Variants in PMEPA1 observed in about 807,000 individuals in gnomAD.
PMEPA1 encodes prostate transmembrane protein, androgen induced 1.
In PMEPA1, 11 loss-of-function variants were observed where a neutral mutation model predicts 23.0. The observed-to-expected ratio is 0.48, with a 90% CI of 0.30 to 0.79. PMEPA1 has a LOEUF of 0.79. PMEPA1 is among the 30% of genes least tolerant of loss of function. The probability of loss-of-function intolerance (pLI) is 0.06; values close to 1 mark genes in which losing one functional copy is unlikely to be tolerated. For synonymous variants in PMEPA1, 204 were observed against 166.4 expected (o/e 1.23, Z -1.74); for missense variants, 377 against 390.9 (o/e 0.96, Z 0.30).
chr20:57,652,584 G>A lies in PMEPA1; in HGVS notation c.333C>T (p.Ala111=). Residue 111 remains alanine, a synonymous_variant, in exon 4 of 4, where the codon GCC becomes GCT. Transcript: ENST00000341744. The surrounding 1 kb of genome is among the most constrained non-coding windows in gnomAD (Gnocchi z 6.1). ...GNGIPEPQVY[A]PPRPTDRLAV... is the part of the protein sequence containing the mutation. ...CCAGGCGGTCGGTGGGCCGAGGCGG[G>A]GCGTAGACCTGCGGCTGGAGGAAGC... 1.3e-6 allele frequency: 2 copies of A among 1,491,450 alleles called. No individual in the cohort carries two copies. Among genetic ancestry groups the A allele is most frequent in the South Asian group, 1.4e-5 (1 of 73,334 alleles). The allele number at this position is 1,491,450 out of a possible 1,614,324, so 92.4% of individuals were successfully genotyped here. A position where few individuals can be genotyped will look rare whatever the true frequency, so the allele number is the denominator to read the frequency against.
rs892249111 is a variant in PMEPA1 at position 57,682,395 on chromosome 20, C to A, written c.110-22698G>T. ...ATCCATAAAATGGGGAAATGACAGC[C>A]CGCTGCCCTTGCATACCTAAGCACA... On this transcript the variant is annotated intron_variant, in intron 1 of 3. Transcript: ENST00000341744. This position sits in a 1 kb window ranked among gnomAD's most constrained non-coding sequence, Gnocchi z 4.4. 6.6e-6 allele frequency among the ~76,000 whole-genome samples: 1 copy of A among 152,284 alleles called. No individual in the cohort carries two copies. Among genetic ancestry groups the A allele is most frequent in the African/African-American group, 2.4e-5 (1 of 41,544 alleles).
chr20:57,698,584 A>G (rs527864976), intron 1 of PMEPA1, among the ~76,000 whole-genome samples: 1 of 152,368 alleles, frequency 6.6e-6, no homozygotes, highest in South Asian at 2.1e-4. Context: ...TCAGACATTT[A>G]CAGAATTATT....
rs142295639 is a variant in PMEPA1, at chr20:57,652,267, G to T, written c.650C>A (p.Thr217Lys). 1.9e-6 allele frequency: 3 copies of T among 1,608,650 alleles called. No homozygotes were observed. The South Asian group carries it at 3.3e-5, about 18-fold the overall frequency. Residue 217 changes from threonine to lysine, a missense_variant, in exon 4 of 4, where the codon ACG becomes AAG. Coordinates refer to ENST00000341744, the MANE Select transcript of PMEPA1 (RefSeq NM_020182.5). This position sits in a 1 kb window ranked among gnomAD's most constrained non-coding sequence, Gnocchi z 6.1. ...CATGCGCCCGCCGCTGCCGTAGCAC[G>T]TGGCGCTGATGCCCGAGTTACTGCT... is the stretch of plus-strand genomic sequence containing the variant. ...PPSSNSGISA[T>K]CYGSGGRMEG...
Position 57,682,561 on chromosome 20 carries a change from C to T in PMEPA1, c.110-22864G>A, listed in dbSNP as rs543841754. Among the ~76,000 whole-genome samples the T allele has an allele frequency of 5.7e-4, 87 of 152,210 alleles. 2 individuals carry two copies. The South Asian group carries it at 0.016, about 29-fold the overall frequency. On this transcript the variant is annotated intron_variant, in intron 1 of 3. Transcript: ENST00000341744. This position sits in a 1 kb window ranked among gnomAD's most constrained non-coding sequence, Gnocchi z 4.4. Reference sequence around the variant, plus strand: ...TGCTGAATGCTACAGAGCAGGCTCCCGTGCCCACCGCCCCACACCTGGAAG... The same window carrying T: ...TGCTGAATGCTACAGAGCAGGCTCCTGTGCCCACCGCCCCACACCTGGAAG...
chr20:57,659,811 A>C, intron 1 of PMEPA1, 114 bp from the exon 2 acceptor site: 1 of 968,454 alleles, frequency 1.0e-6, no homozygotes, highest in Non-Finnish European at 1.5e-6. Context: ...TGCAACCCAG[A>C]CTCAGGAAAG....
intron 1 of PMEPA1, among the ~76,000 whole-genome samples, chr20:57,674,529 CT>C (rs1568972922): frequency 6.6e-6 from 1 of 152,264 alleles, no homozygotes; most frequent in Non-Finnish European, 1.5e-5. Context: ...GGGAAATGAG[CT>C]GCAAGGTGAG....
At position 57,704,945 on chromosome 20, in the gene PMEPA1, A is replaced by G. The variant is rs1415969057; in HGVS notation, c.109+4529T>C. Among the ~76,000 whole-genome samples, 1 of 152,176 alleles carries G rather than the reference A, an allele frequency of 6.6e-6. No homozygotes were observed. The highest frequency in any genetic ancestry group is 1.5e-5 in the Non-Finnish European group (1 of 68,028). On this transcript the variant is annotated intron_variant, in intron 1 of 3. Transcript: ENST00000341744. This position sits in a 1 kb window ranked among gnomAD's most constrained non-coding sequence, Gnocchi z 4.6. The stretch of plus-strand genomic sequence containing the variant: ...CCTCCCTTCTCCTGGGCAGCGGCAC[A>G]CAGGGGTCCACCTTCCTTCTTTTAT...
intron 1 of PMEPA1, among the ~76,000 whole-genome samples, chr20:57,708,437 G>A (rs894276611): frequency 1.3e-5 from 2 of 152,214 alleles, no homozygotes; most frequent in African/African-American, 4.8e-5. Context: ...GTCCACCTAG[G>A]TGGGCTGTGT....
chr20:57,677,416 C>T (rs1022211130), intron 1 of PMEPA1, among the ~76,000 whole-genome samples: 3 of 152,184 alleles, frequency 2.0e-5, no homozygotes, highest in African/African-American at 7.2e-5. Context: ...GTGCACCTCA[C>T]CAGCAAGAAA....
At chr20:57,667,330 G>A (rs1285669447) in intron 1 of PMEPA1, among the ~76,000 whole-genome samples, 4 of 152,306 alleles carry the variant, frequency 2.6e-5, no homozygotes, top group Non-Finnish European at 5.9e-5. Flanking sequence ...GGCTGTAAAC[G>A]GGGAGAGGGT....
rs1381870752 is a variant in PMEPA1 at position 57,656,877 on chromosome 20, A to G, written c.264+2666T>C. ...GATGTAGACTGGGCCCGGGACAGATAAGAGCTGTATGTGGATCTCTATGGA... is the reference window on the plus strand; with the variant it reads ...GATGTAGACTGGGCCCGGGACAGATGAGAGCTGTATGTGGATCTCTATGGA... On this transcript the variant is annotated intron_variant, in intron 2 of 3. Coordinates refer to ENST00000341744, the MANE Select transcript of PMEPA1 (RefSeq NM_020182.5). This position sits in a 1 kb window ranked among gnomAD's most constrained non-coding sequence, Gnocchi z 4.7. 6.6e-6 allele frequency among the ~76,000 whole-genome samples: 1 copy of G among 152,162 alleles called. No individual in the cohort carries two copies. The highest frequency in any genetic ancestry group is 1.9e-4 in the East Asian group (1 of 5,184).
intron 1 of PMEPA1, among the ~76,000 whole-genome samples, chr20:57,689,902 G>A (rs995529238): frequency 1.3e-5 from 2 of 152,144 alleles, no homozygotes; most frequent in African/African-American, 2.4e-5. Context: ...CAGACACGGC[G>A]CTGCTGGGGC....
intron 1 of PMEPA1, among the ~76,000 whole-genome samples, chr20:57,674,244 C>T (rs1351356411): frequency 6.6e-6 from 1 of 152,200 alleles, no homozygotes; most frequent in African/African-American, 2.4e-5. Context: ...TAAGAAGAGA[C>T]AGCATAGAGC....
chr20:57,707,902 A>T (rs1247529992), intron 1 of PMEPA1, among the ~76,000 whole-genome samples: 1 of 152,172 alleles, frequency 6.6e-6, no homozygotes, highest in African/African-American at 2.4e-5. Flanking sequence ...TAGCCTCCTG[A>T]GTTCACAAAG....
At chr20:57,688,374 C>A (rs1268949662) in intron 1 of PMEPA1, among the ~76,000 whole-genome samples, 1 of 152,166 alleles carries the variant, frequency 6.6e-6, no homozygotes, top group Non-Finnish European at 1.5e-5. Flanking sequence ...CTGGGCATGG[C>A]AGGCTGTTGA....
rs1314197526 is a variant in PMEPA1, at chr20:57,709,895, A to G, written c.-313T>C. 2 of 1,004,572 alleles carry G rather than the reference A, an allele frequency of 2.0e-6. No individual in the cohort carries two copies. The highest frequency in any genetic ancestry group is 1.2e-6 in the Non-Finnish European group (1 of 846,120). The allele number at this position is 1,004,572 out of a possible 1,614,324, so 62.2% of individuals were successfully genotyped here. On this transcript the variant is annotated 5_prime_UTR_variant, in exon 1 of 4. The change abolishes the stop of an existing upstream ORF in the 5' untranslated region. Transcript: ENST00000341744. ...CCGCCGGGGCTGAGCCTCTGCCGCT[A>G]GCTTTCCCCAGCCGAGCGCCTCCGC...
At chr20:57,672,337 G>A (rs1015496118) in intron 1 of PMEPA1, among the ~76,000 whole-genome samples, 3 of 152,258 alleles carry the variant, frequency 2.0e-5, no homozygotes, top group African/African-American at 4.8e-5. Flanking sequence ...TGATTTTCAA[G>A]AGCCTGGTGT....
rs543254306 is a variant in PMEPA1, at chr20:57,656,747, C to T, written c.264+2796G>A. On this transcript the variant is annotated intron_variant, in intron 2 of 3. Transcript: ENST00000341744. This position sits in a 1 kb window ranked among gnomAD's most constrained non-coding sequence, Gnocchi z 4.7. ...GATGGTGAGGCAGGTGGGTGAGGCA[C>T]GAGCTCTTGTCTCCATACAGGCAAG... Among the ~76,000 whole-genome samples, 5 of 152,278 alleles carry T rather than the reference C, an allele frequency of 3.3e-5. No homozygotes were observed. The highest frequency in any genetic ancestry group is 9.6e-5 in the African/African-American group (4 of 41,546).
intron 1 of PMEPA1, among the ~76,000 whole-genome samples, chr20:57,665,762 CAA>C (rs1283238123): frequency 1.3e-5 from 2 of 152,222 alleles, no homozygotes; most frequent in African/African-American, 4.8e-5. Context: ...GATTTGAGCT[CAA>C]GTCAGTCCCA....
Sources: gnomAD v4.1 joint callset for allele counts (sites outside exome capture counted in the v4.1 genomes callset) on GRCh38, gnomAD v4.1.1 for gene constraint, Gnocchi (gnomAD v3.1) non-coding constraint, MANE v1.5 for transcripts, NCBI Gene and HGNC (gene_info 2026-07-23, HGNC 2026-07-21) for gene names.